Variants in FHIT observed in about 807,000 individuals in gnomAD.
FHIT encodes bis(5'-adenosyl)-triphosphatase.
In FHIT, 19 loss-of-function variants were observed where a neutral mutation model predicts 17.9. The observed-to-expected ratio is 1.06, with a 90% CI of 0.74 to 1.56. The LOEUF is 1.56. Among genes scored for constraint, FHIT ranks in the 40% most tolerant of loss-of-function variants. FHIT has a pLI of 0.00. For missense variants in FHIT, 248 were observed against 189.2 expected (o/e 1.31, Z -1.82); for synonymous variants, 81 against 69.7 (o/e 1.16, Z -0.81).
intron 2 of FHIT, among the ~76,000 whole-genome samples, chr3:61,199,949 G>A (rs975469704): frequency 2.0e-5 from 3 of 152,232 alleles, no homozygotes. Context: ...AAGCTGTACA[G>A]AGGTATGCTC....
At chr3:59,843,772 T>C (rs567521329) in intron 8 of FHIT, among the ~76,000 whole-genome samples, 1 of 147,022 alleles carries the variant, frequency 6.8e-6, no homozygotes, top group South Asian at 2.1e-4. Context: ...TCCTTACAGA[T>C]TTTTTTTTTT....
At chr3:60,882,837 T>C (rs1003981167) in intron 3 of FHIT, among the ~76,000 whole-genome samples, 1 of 152,122 alleles carries the variant, frequency 6.6e-6, no homozygotes, top group African/African-American at 2.4e-5. Flanking sequence ...CCACTGTTAT[T>C]CAACATAACA....
intron 5 of FHIT, among the ~76,000 whole-genome samples, chr3:60,526,790 G>T (rs1475134722): frequency 2.0e-5 from 3 of 152,146 alleles, no homozygotes; most frequent in African/African-American, 4.8e-5. Flanking sequence ...CAGCCTGCAG[G>T]TCCTACAGCT....
At chr3:60,794,921 G>C (rs1700922320) in intron 4 of FHIT, among the ~76,000 whole-genome samples, 1 of 152,136 alleles carries the variant, frequency 6.6e-6, no homozygotes. Flanking sequence ...AATTCAAAAA[G>C]TACAAAAGGG....
chr3:61,229,602 C>A (rs759221808), intron 1 of FHIT, among the ~76,000 whole-genome samples: 7 of 152,122 alleles, frequency 4.6e-5, no homozygotes, highest in Non-Finnish European at 1.0e-4. Flanking sequence ...ACCAGGCCCT[C>A]ATTAGGAAAC....
intron 3 of FHIT, among the ~76,000 whole-genome samples, chr3:60,897,009 G>T (rs1705856399): frequency 6.6e-6 from 1 of 152,080 alleles, no homozygotes; most frequent in African/African-American, 2.4e-5. Flanking sequence ...CATAGATAAA[G>T]ACATTTTTAT....
intron 8 of FHIT, among the ~76,000 whole-genome samples, chr3:59,884,882 T>C (rs986534714): frequency 6.6e-6 from 1 of 152,206 alleles, no homozygotes; most frequent in Non-Finnish European, 1.5e-5. Context: ...TCAATAATGT[T>C]AAAAGATTCT....
chr3:61,173,612 C>A (rs753051655), intron 2 of FHIT, among the ~76,000 whole-genome samples: 1 of 152,022 alleles, frequency 6.6e-6, no homozygotes, highest in African/African-American at 2.4e-5. Context: ...AAGCTTTCAG[C>A]GGAAGAAAGT....
chr3:60,409,407 A>G (rs868491618), intron 5 of FHIT, among the ~76,000 whole-genome samples: 1 of 152,210 alleles, frequency 6.6e-6, no homozygotes, highest in African/African-American at 2.4e-5. Flanking sequence ...AAAGCTGAAT[A>G]TAGGCATCAT....
At chr3:60,396,807 A>G (rs963550320) in intron 5 of FHIT, among the ~76,000 whole-genome samples, 3 of 152,218 alleles carry the variant, frequency 2.0e-5, no homozygotes, top group African/African-American at 7.2e-5. Flanking sequence ...TTACATCTCA[A>G]TAACTTATTT....
At chr3:60,129,049 G>GTTGTTTTTTTTTTTTTTTTTT (rs759645654) in intron 5 of FHIT, among the ~76,000 whole-genome samples, 1 of 121,042 alleles carries the variant, frequency 8.3e-6, no homozygotes. Context: ...TTCCTTTTTT[G>GTTGTTTTTTTTTTTTTTTTTT]TTTGTTTTTT....
At chr3:61,149,114 G>A (rs1238920763) in intron 2 of FHIT, among the ~76,000 whole-genome samples, 1 of 152,184 alleles carries the variant, frequency 6.6e-6, no homozygotes, top group Non-Finnish European at 1.5e-5. Flanking sequence ...AAATAATTAA[G>A]AGGCAAATAT....
intron 4 of FHIT, among the ~76,000 whole-genome samples, chr3:60,791,199 C>A (rs1436639732): frequency 6.6e-6 from 1 of 151,958 alleles, no homozygotes; most frequent in Admixed American, 6.6e-5. Flanking sequence ...AACAAAGCAA[C>A]AACCTTTTCA....
intron 5 of FHIT, among the ~76,000 whole-genome samples, chr3:60,075,189 C>T (rs1367623464): frequency 1.3e-5 from 2 of 152,098 alleles, no homozygotes; most frequent in South Asian, 2.1e-4. Context: ...GCTGGGTCAT[C>T]TTTAAAATAG....
Position 61,030,219 on chromosome 3 carries a change from C to T in FHIT, c.-111+11828G>A, listed in dbSNP as rs550322903. ...TCCTGGCCTCAAGCCATCCACCCAC[C>T]TCAGCCTCCCAAATTGCTGGGATTA... On this transcript the variant is annotated intron_variant, in intron 3 of 9. Coordinates refer to ENST00000492590, the MANE Select transcript of FHIT (RefSeq NM_002012.4). Among the ~76,000 whole-genome samples, 190 of 152,346 alleles carry T rather than the reference C, an allele frequency of 1.2e-3. 1 individual carries two copies. The highest frequency in any genetic ancestry group is 2.8e-4 in the Non-Finnish European group (19 of 68,038).
At chr3:60,250,965 G>T (rs213391) in intron 5 of FHIT, among the ~76,000 whole-genome samples, 46,561 of 151,964 alleles carry the variant, frequency 0.31, 8,495 homozygotes, top group African/African-American at 0.51. Flanking sequence ...AACGAAAGAG[G>T]TGACATTATG....
chr3:60,536,807 T>C, intron 5 of FHIT, 53 bp downstream of exon 5: 1 of 1,538,366 alleles, frequency 6.5e-7, no homozygotes, highest in Non-Finnish European at 8.7e-7. Flanking sequence ...ATTTGGCTGG[T>C]TAGGCTCAGA....
intron 8 of FHIT, among the ~76,000 whole-genome samples, chr3:59,854,980 A>G (rs1273641211): frequency 6.6e-6 from 1 of 152,222 alleles, no homozygotes; most frequent in Non-Finnish European, 1.5e-5. Flanking sequence ...CCTGATTACT[A>G]AAAAGACTTT....
chr3:60,423,499 G>A (rs1256167248), intron 5 of FHIT, among the ~76,000 whole-genome samples: 1 of 152,038 alleles, frequency 6.6e-6, no homozygotes, highest in African/African-American at 2.4e-5. Context: ...TTTTCTGATT[G>A]ATATGAATGA....
Sources: gnomAD v4.1 joint callset for allele counts (sites outside exome capture counted in the v4.1 genomes callset) on GRCh38, gnomAD v4.1.1 for gene constraint, MANE v1.5 for transcripts, NCBI Gene and HGNC (gene_info 2026-07-23, HGNC 2026-07-21) for gene names.